Variants in RCAN2 observed in about 807,000 individuals in gnomAD.
The protein encoded by RCAN2 is regulator of calcineurin 2, also known as calcipressin-2.
Under a neutral mutation model 23.6 loss-of-function variants are expected in RCAN2, and 9 were observed. The observed-to-expected ratio is 0.38, with a 90% confidence interval of 0.23 to 0.67. The LOEUF (loss-of-function observed/expected upper bound fraction) is 0.67, where lower values mean the gene tolerates loss of function less well. Ranked by LOEUF, RCAN2 falls within the 30% of genes least tolerant of loss-of-function variation. The pLI is 0.51. For synonymous variants in RCAN2, 109 were observed against 115.7 expected (o/e 0.94, Z 0.37); for missense variants, 273 against 302.3 (o/e 0.90, Z 0.72).
chr6:46,374,563 T>C (rs866225909), intron 2 of RCAN2, among the ~76,000 whole-genome samples: 1 of 152,348 alleles, frequency 6.6e-6, no homozygotes, highest in South Asian at 2.1e-4. Context: ...CTTAACCATT[T>C]GTAGCCCTAT....
At chr6:46,356,674 T>A (rs1764842316) in intron 2 of RCAN2, among the ~76,000 whole-genome samples, 1 of 152,118 alleles carries the variant, frequency 6.6e-6, no homozygotes, top group Non-Finnish European at 1.5e-5. Flanking sequence ...GATGCCCAAT[T>A]TCATTGATGA....
chr6:46,270,151 G>C (rs916187330), intron 2 of RCAN2, among the ~76,000 whole-genome samples: 1 of 152,150 alleles, frequency 6.6e-6, no homozygotes, highest in South Asian at 2.1e-4. Flanking sequence ...AGTGCTGACA[G>C]GCTTCAGGAC....
intron 2 of RCAN2, among the ~76,000 whole-genome samples, chr6:46,263,503 A>ATGTGTGTGTGTG (rs879389951): frequency 1.4e-5 from 1 of 70,556 alleles, no homozygotes; most frequent in African/African-American, 4.8e-5. Flanking sequence ...GTATGTGTGT[A>ATGTGTGTGTGTG]TGTGTGTGTA....
intron 2 of RCAN2, among the ~76,000 whole-genome samples, chr6:46,349,120 T>A (rs1211516570): frequency 6.6e-6 from 1 of 152,218 alleles, no homozygotes; most frequent in Non-Finnish European, 1.5e-5. Flanking sequence ...AAACATCTTA[T>A]GCATTATAAC....
At chr6:46,482,233 T>C (rs914240963) in intron 1 of RCAN2, among the ~76,000 whole-genome samples, 1 of 151,982 alleles carries the variant, frequency 6.6e-6, no homozygotes, top group African/African-American at 2.4e-5. Flanking sequence ...AAAAATAATA[T>C]TAATTTAATA....
At chr6:46,379,115 A>G (rs1446975554) in intron 2 of RCAN2, among the ~76,000 whole-genome samples, 1 of 152,196 alleles carries the variant, frequency 6.6e-6, no homozygotes, top group Non-Finnish European at 1.5e-5. Flanking sequence ...GGATCTATAA[A>G]ATAGGAGGCA....
At chr6:46,432,821 G>A (rs116473354) in intron 2 of RCAN2, among the ~76,000 whole-genome samples, 124 of 152,214 alleles carry the variant, frequency 8.1e-4, no homozygotes, top group African/African-American at 2.8e-3. Flanking sequence ...ATGTGACCTC[G>A]TGGCACAATG....
intron 2 of RCAN2, among the ~76,000 whole-genome samples, chr6:46,329,662 C>T (rs752707900): frequency 1.3e-5 from 2 of 152,066 alleles, no homozygotes; most frequent in African/African-American, 4.8e-5. Flanking sequence ...ATGGTGAGTT[C>T]GGTGATAACC....
intron 2 of RCAN2, among the ~76,000 whole-genome samples, chr6:46,402,404 C>T (rs1365312296): frequency 6.6e-6 from 1 of 152,192 alleles, no homozygotes; most frequent in Non-Finnish European, 1.5e-5. Flanking sequence ...CAGTCCCATT[C>T]TCCCCTGAGC....
intron 2 of RCAN2, among the ~76,000 whole-genome samples, chr6:46,434,538 T>G (rs1174345055): frequency 4.6e-5 from 7 of 152,174 alleles, no homozygotes; most frequent in Admixed American, 3.3e-4. Flanking sequence ...CTTGAAGAAC[T>G]GCAGCCTCCT....
intron 2 of RCAN2, among the ~76,000 whole-genome samples, chr6:46,316,119 G>T (rs557276088): frequency 6.6e-6 from 1 of 152,164 alleles, no homozygotes; most frequent in African/African-American, 2.4e-5. Flanking sequence ...GTTGAAAACT[G>T]CAGGGGAAGA....
At chr6:46,361,753 G>T (rs1183962346) in intron 2 of RCAN2, among the ~76,000 whole-genome samples, 1 of 152,160 alleles carries the variant, frequency 6.6e-6, no homozygotes, top group Non-Finnish European at 1.5e-5. Flanking sequence ...GGTAGGAGAG[G>T]TTGTTTGCTA....
intron 4 of RCAN2, among the ~76,000 whole-genome samples, chr6:46,244,632 G>C (rs1766447657): frequency 6.6e-6 from 1 of 152,222 alleles, no homozygotes; most frequent in Non-Finnish European, 1.5e-5. Context: ...TGGTTAGAAA[G>C]TCTGACATAG....
At chr6:46,457,275 C>T (rs2150433120) in intron 1 of RCAN2, among the ~76,000 whole-genome samples, 1 of 152,290 alleles carries the variant, frequency 6.6e-6, no homozygotes, top group South Asian at 2.1e-4. Flanking sequence ...CTACCAATGT[C>T]TATCGTGTAT....
At chr6:46,252,926 T>G (rs952327155) in intron 2 of RCAN2, among the ~76,000 whole-genome samples, 3 of 152,240 alleles carry the variant, frequency 2.0e-5, no homozygotes, top group Admixed American at 1.3e-4. Context: ...CAAAACTCAA[T>G]AAGTAGTAGT....
chr6:46,296,737 G>A (rs781357044), intron 2 of RCAN2, among the ~76,000 whole-genome samples: 2 of 152,050 alleles, frequency 1.3e-5, no homozygotes, highest in African/African-American at 2.4e-5. Flanking sequence ...TGTCTATGAT[G>A]TTATGGAAAT....
chr6:46,319,972 T>C lies in RCAN2; in HGVS notation c.226-71076A>G, dbSNP rs147454884. Reference sequence around the variant, plus strand: ...AATATTATTTTTAATATTACTATTATGGTCATTGAATAGGGAATGAGCATT... The same window carrying C: ...AATATTATTTTTAATATTACTATTACGGTCATTGAATAGGGAATGAGCATT... On this transcript the variant is annotated intron_variant, in intron 2 of 4. Coordinates refer to ENST00000371374, the MANE Select transcript of RCAN2 (RefSeq NM_001251974.2). Among the ~76,000 whole-genome samples the C allele has an allele frequency of 2.7e-3, 408 of 152,298 alleles. 2 individuals are homozygous for C. The highest frequency in any genetic ancestry group is 0.012 in the South Asian group (59 of 4,820).
chr6:46,460,432 C>T (rs945580742), intron 1 of RCAN2, among the ~76,000 whole-genome samples: 1 of 152,108 alleles, frequency 6.6e-6, no homozygotes, highest in Non-Finnish European at 1.5e-5. Context: ...CCATTGTCTA[C>T]CAAGATTGAC....
At chr6:46,376,717 A>C (rs1163825067) in intron 2 of RCAN2, among the ~76,000 whole-genome samples, 1 of 34,428 alleles carries the variant, frequency 2.9e-5, no homozygotes, top group African/African-American at 1.4e-3. Flanking sequence ...CAAACAAACA[A>C]AAAAAAAAAA....
Sources: allele counts gnomAD v4.1 joint callset (sites outside exome capture counted in the v4.1 genomes callset), GRCh38; gene constraint gnomAD v4.1.1; transcripts MANE v1.5; gene names NCBI Gene and HGNC (gene_info 2026-07-23, HGNC 2026-07-21).